NCKAP5: variants seen among roughly 807,000 people sequenced by gnomAD.
The protein encoded by NCKAP5 is nck-associated protein 5.
In NCKAP5, 92 loss-of-function variants were observed where a neutral mutation model predicts 167.0. The ratio of observed to expected loss-of-function variants is 0.55; its 90% confidence interval spans 0.47 to 0.66. NCKAP5 has a LOEUF of 0.66. NCKAP5 is among the 30% of genes least tolerant of loss of function. The pLI is 0.00. For missense variants in NCKAP5, 2,378 were observed against 2,315.0 expected (o/e 1.03, Z -0.56); for synonymous variants, 891 against 877.4 (o/e 1.02, Z -0.27).
intron 6 of NCKAP5, among the ~76,000 whole-genome samples, chr2:133,098,003 T>C (rs1472729432): frequency 2.0e-5 from 3 of 152,200 alleles, no homozygotes; most frequent in Non-Finnish European, 4.4e-5. Flanking sequence ...TTTGGCAATC[T>C]TTCTATTATA....
rs138289919 is a variant in NCKAP5, at chr2:133,255,671, G to T, written c.144-41892C>A. ...AAGACAAACTCTGCCCCTTGGGTGG[G>T]CAGTGGCAGCTAAGAGTATTAAAAT... is the stretch of plus-strand genomic sequence containing the variant. On this transcript the variant is annotated intron_variant, in intron 4 of 19. Coordinates refer to ENST00000409261, the MANE Select transcript of NCKAP5 (RefSeq NM_207363.3). 2.9e-3 allele frequency among the ~76,000 whole-genome samples: 442 copies of T among 152,282 alleles called. 2 individuals carry two copies. The highest frequency in any genetic ancestry group is 9.8e-3 in the African/African-American group (408 of 41,546).
At chr2:133,316,648 T>G (rs1681629798) in intron 3 of NCKAP5, among the ~76,000 whole-genome samples, 1 of 152,220 alleles carries the variant, frequency 6.6e-6, no homozygotes, top group Non-Finnish European at 1.5e-5. Context: ...TTATGGGCAC[T>G]GAACATAAAT....
intron 6 of NCKAP5, among the ~76,000 whole-genome samples, chr2:133,083,927 A>G (rs775612536): frequency 6.6e-6 from 1 of 152,196 alleles, no homozygotes; most frequent in Non-Finnish European, 1.5e-5. Context: ...TATCAGAGAT[A>G]TATAAAAGAA....
chr2:132,683,195 A>T (rs1685473177), intron 19 of NCKAP5, among the ~76,000 whole-genome samples: 1 of 152,036 alleles, frequency 6.6e-6, no homozygotes, highest in Non-Finnish European at 1.5e-5. Context: ...TAGTCTATAG[A>T]TGGACGAATA....
chr2:132,820,748 A>C (rs1303317687), intron 11 of NCKAP5, among the ~76,000 whole-genome samples: 1 of 152,184 alleles, frequency 6.6e-6, no homozygotes, highest in Non-Finnish European at 1.5e-5. Flanking sequence ...GGCTGTGTTA[A>C]TCAGGATTAC....
At chr2:133,519,980 G>T (rs1016500969) in intron 2 of NCKAP5, among the ~76,000 whole-genome samples, 4 of 152,090 alleles carry the variant, frequency 2.6e-5, no homozygotes, top group Middle Eastern at 6.8e-3. Context: ...GAAGTCAAAA[G>T]ATCGAGACCA....
At chr2:133,188,590 G>C (rs2085061015) in intron 5 of NCKAP5, among the ~76,000 whole-genome samples, 1 of 152,104 alleles carries the variant, frequency 6.6e-6, no homozygotes, top group African/African-American at 2.4e-5. Flanking sequence ...CTGTCTCTCA[G>C]ACCACAGTGC....
At chr2:133,599,914 C>T in the NCKAP5 span, among the ~76,000 whole-genome samples, 13 of 152,238 alleles carry the variant, frequency 8.5e-5, no homozygotes, top group African/African-American at 3.1e-4. Context: ...TGCCTAGCAA[C>T]AACTTTAAAG....
chr2:133,557,572 T>C (rs1466272488), intron 2 of NCKAP5, among the ~76,000 whole-genome samples: 3 of 152,212 alleles, frequency 2.0e-5, no homozygotes, highest in Admixed American at 6.5e-5. Flanking sequence ...ATTGAAGACA[T>C]GTCAGTCCCT....
At chr2:133,311,312 G>A (rs1181568802) in intron 3 of NCKAP5, among the ~76,000 whole-genome samples, 2 of 152,194 alleles carry the variant, frequency 1.3e-5, no homozygotes, top group African/African-American at 2.4e-5. Flanking sequence ...TATTACAAAC[G>A]ATACAGATAA....
intron 6 of NCKAP5, among the ~76,000 whole-genome samples, chr2:133,056,083 G>A (rs1337859019): frequency 1.3e-5 from 2 of 152,124 alleles, no homozygotes; most frequent in East Asian, 3.8e-4. Context: ...GGTCAGGCAG[G>A]AAAGTTATAT....
intron 6 of NCKAP5, among the ~76,000 whole-genome samples, chr2:133,040,162 A>G (rs1300014873): frequency 6.6e-6 from 1 of 152,062 alleles, no homozygotes; most frequent in African/African-American, 2.4e-5. Flanking sequence ...AATGTGCTAC[A>G]ATATTCCTCA....
chr2:133,672,318 G>A, the NCKAP5 span, among the ~76,000 whole-genome samples: 1 of 152,320 alleles, frequency 6.6e-6, no homozygotes, highest in African/African-American at 2.4e-5. Context: ...ACTATGCAAG[G>A]ACCAGAACTT....
chr2:133,079,953 T>A (rs1470421586), intron 6 of NCKAP5, among the ~76,000 whole-genome samples: 1 of 152,130 alleles, frequency 6.6e-6, no homozygotes, highest in African/African-American at 2.4e-5. Context: ...TCGCAAACAC[T>A]ATTGTAATAG....
At chr2:133,620,375 A>G in the NCKAP5 span, among the ~76,000 whole-genome samples, 2 of 152,096 alleles carry the variant, frequency 1.3e-5, no homozygotes, top group African/African-American at 4.8e-5. Flanking sequence ...TCTTCAGGAG[A>G]CTCACCTAAC....
chr2:132,785,036 T>G lies in NCKAP5; in HGVS notation c.1775A>C (p.His592Pro). 6.2e-7 allele frequency: 1 copy of G among 1,614,050 alleles called. No homozygotes were observed. The highest frequency in any genetic ancestry group is 8.5e-7 in the Non-Finnish European group (1 of 1,179,882). The stretch of plus-strand genomic sequence containing the variant: ...ACTTTTCTCATCACTGCTCTCTATG[T>G]GCAGCTCATCAAACGTTTCATTGTC... ...TDDNETFDELHIESSDEKSPS... is the reference protein window; with the variant it reads ...TDDNETFDELPIESSDEKSPS... Residue 592 changes from histidine to proline, a missense_variant, in exon 14 of 20, where the codon CAC becomes CCC. Coordinates refer to ENST00000409261, the MANE Select transcript of NCKAP5 (RefSeq NM_207363.3).
chr2:133,110,179 A>G (rs2081860758), intron 6 of NCKAP5, among the ~76,000 whole-genome samples: 1 of 152,196 alleles, frequency 6.6e-6, no homozygotes, highest in Non-Finnish European at 1.5e-5. Context: ...GGGTTCCTGC[A>G]AAAGTTCTCA....
chr2:133,009,070 C>T (rs2078065681), intron 6 of NCKAP5, among the ~76,000 whole-genome samples: 3 of 152,132 alleles, frequency 2.0e-5, no homozygotes, highest in Non-Finnish European at 2.9e-5. Context: ...GGAACATTTG[C>T]AGGAAGACAC....
intron 6 of NCKAP5, among the ~76,000 whole-genome samples, chr2:133,063,617 C>G (rs1410422385): frequency 3.3e-5 from 5 of 152,088 alleles, no homozygotes; most frequent in Non-Finnish European, 5.9e-5. Flanking sequence ...TTCCCAATAA[C>G]TGCTGGCCTC....
Sources: allele counts gnomAD v4.1 joint callset (sites outside exome capture counted in the v4.1 genomes callset), GRCh38; gene constraint gnomAD v4.1.1; transcripts MANE v1.5; gene names NCBI Gene and HGNC (gene_info 2026-07-23, HGNC 2026-07-21).